C1QB: variants seen among roughly 807,000 people sequenced by gnomAD.
C1QB encodes the protein complement C1q subcomponent subunit B.
In C1QB, 2 loss-of-function variants were observed where a neutral mutation model predicts 4.6. The ratio of observed to expected loss-of-function variants is 0.43; its 90% CI spans 0.18 to 1.36. The LOEUF is 1.36. C1QB is among the 40% of genes most tolerant of loss of function. C1QB has a pLI of 0.28. For synonymous variants in C1QB, 132 were observed against 137.1 expected, an observed-to-expected ratio of 0.96 and a Z score of 0.26; for missense variants, 292 against 338.0, an observed-to-expected ratio of 0.86 and a Z score of 1.07.
rs1642591320 is a variant in C1QB at position 22,659,620 on chromosome 1, C to T, written c.158C>T (p.Thr53Ile). 6.2e-7 allele frequency: 1 copy of T among 1,613,472 alleles called. No individual in the cohort carries two copies. Among genetic ancestry groups the T allele is most frequent in the Non-Finnish European group, 8.5e-7 (1 of 1,179,680 alleles). The change falls in exon 2 of 3, where the codon ACC (threonine) becomes ATC (isoleucine). Residue 53 changes from threonine to isoleucine, a missense_variant. Thr to Ile is a moderately conservative substitution (Grantham distance 89). Coordinates refer to ENST00000509305, the MANE Select transcript of C1QB (RefSeq NM_001378156.1). ...GTPGPDGQPG[T>I]PGIKGEKGLP... Reference sequence around the variant, plus strand: ...CCTGGCCCCGATGGCCAACCTGGGACCCCAGGGATAAAAGGAGAGAAAGGT... The same window carrying T: ...CCTGGCCCCGATGGCCAACCTGGGATCCCAGGGATAAAAGGAGAGAAAGGT...
At chr1:22,659,724 T>C (rs1258888367) in intron 2 of C1QB, 81 bp downstream of exon 2, 8 of 1,496,996 alleles carry the variant, frequency 5.3e-6, no homozygotes, top group South Asian at 1.2e-5. Context: ...TTGCCTACCT[T>C]TGAGACTGCA....
chr1:22,655,116 G>A (rs1642511693), intron 1 of C1QB, among the ~76,000 whole-genome samples: 1 of 152,152 alleles, frequency 6.6e-6, no homozygotes, highest in African/African-American at 2.4e-5. Flanking sequence ...CAAATTACAG[G>A]GGATAATGGC....
At position 22,659,522 on chromosome 1, in the gene C1QB, C is replaced by T. The variant is rs77379868; in HGVS notation, c.60C>T (p.Ile20=). Residue 20 remains isoleucine, a synonymous_variant, in exon 2 of 3, where the codon ATC becomes ATT. Coordinates refer to ENST00000509305, the MANE Select transcript of C1QB (RefSeq NM_001378156.1). ...VLMLLLLLGL[I]DISQAQLSCT... Reference sequence around the variant, plus strand: ...TGTTGCTCCTGCTCCTGGGCCTAATCGATATCTCCCAGGCCCAGCTCAGCT... The same window carrying T: ...TGTTGCTCCTGCTCCTGGGCCTAATTGATATCTCCCAGGCCCAGCTCAGCT... 9.3e-5 allele frequency: 150 copies of T among 1,613,916 alleles called. No homozygotes were observed. Among genetic ancestry groups the T allele is most frequent in the South Asian group, 4.3e-4 (39 of 91,074 alleles).
chr1:22,654,135 A>C (rs911990549), intron 1 of C1QB: 2 of 152,320 alleles, frequency 1.3e-5, no homozygotes, highest in Non-Finnish European at 2.9e-5. Flanking sequence ...GCGGAAAGGG[A>C]CTGCTGGACC....
chr1:22,657,505 A>G lies in C1QB; in HGVS notation c.-23-1935A>G, dbSNP rs561362187. ...TCAGACACAAAAGGTCACACGTTGTATAATTCCATTTATATGAAATAATAG... is the reference window on the plus strand; with the variant it reads ...TCAGACACAAAAGGTCACACGTTGTGTAATTCCATTTATATGAAATAATAG... On this transcript the variant is annotated intron_variant, in intron 1 of 2. Transcript: ENST00000509305. Among the ~76,000 whole-genome samples, 9 of 152,354 alleles carry G rather than the reference A, an allele frequency of 5.9e-5. No individual in the cohort carries two copies. The South Asian group carries it at 1.5e-3, about 25-fold the overall frequency.
intron 1 of C1QB, among the ~76,000 whole-genome samples, chr1:22,655,439 A>G (rs1404027561): frequency 6.6e-6 from 1 of 152,128 alleles, no homozygotes; most frequent in Non-Finnish European, 1.5e-5. Flanking sequence ...GCTGGTTTGC[A>G]GAGCATAGGA....
intron 1 of C1QB, among the ~76,000 whole-genome samples, chr1:22,656,835 C>T (rs941068751): frequency 5.3e-5 from 8 of 152,170 alleles, no homozygotes; most frequent in Non-Finnish European, 5.9e-5. Flanking sequence ...AGTTGGGGTT[C>T]TCACAACCCC....
intron 2 of C1QB, among the ~76,000 whole-genome samples, chr1:22,660,268 C>A (rs1355017648): frequency 2.0e-5 from 3 of 152,176 alleles, no homozygotes; most frequent in African/African-American, 7.2e-5. Context: ...CTACTAATGG[C>A]AGATGTGACA....
rs56917855 is a variant in C1QB at position 22,659,292 on chromosome 1, A to AGATGGATGGATG, written c.-23-123_-23-112dup. The stretch of plus-strand genomic sequence containing the variant: ...GACGGATGCAGATGGAGGGATAGAG[A>AGATGGATGGATG]GATGGATGGATGGATGGATGGATGG... On this transcript the variant is annotated intron_variant, in intron 1 of 2. Coordinates refer to ENST00000509305, the MANE Select transcript of C1QB (RefSeq NM_001378156.1). 5,582 of 648,172 alleles carry AGATGGATGGATG rather than the reference A, an allele frequency of 8.6e-3. 105 individuals carry two copies. The highest frequency in any genetic ancestry group is 0.018 in the African/African-American group (812 of 46,254). The allele number at this position is 648,172 out of a possible 1,614,324, so 40.2% of individuals were successfully genotyped here. A position where few individuals can be genotyped will look rare whatever the true frequency, so the allele number is the denominator to read the frequency against.
chr1:22,658,683 G>A (rs1428285654), intron 1 of C1QB, among the ~76,000 whole-genome samples: 3 of 152,236 alleles, frequency 2.0e-5, no homozygotes, highest in African/African-American at 7.2e-5. Context: ...TGAACATATG[G>A]ATGGAGGAAT....
intron 1 of C1QB, 51 bp from the exon 2 acceptor site, chr1:22,659,389 T>C (rs749818803): frequency 4.4e-5 from 66 of 1,497,270 alleles, no homozygotes; most frequent in Non-Finnish European, 5.9e-5. Context: ...GATGGATGGA[T>C]GGATGATAGG....
At chr1:22,660,511 T>A (rs1244452921) in intron 2 of C1QB, among the ~76,000 whole-genome samples, 2 of 151,898 alleles carry the variant, frequency 1.3e-5, no homozygotes, top group African/African-American at 2.4e-5. Context: ...GCACTCATTA[T>A]CCCTGCTCTA....
At chr1:22,656,227 C>T (rs899353074) in intron 1 of C1QB, among the ~76,000 whole-genome samples, 6 of 152,162 alleles carry the variant, frequency 3.9e-5, no homozygotes, top group African/African-American at 1.4e-4. Context: ...GGAACTTAAA[C>T]ATGGAATTGC....
At chr1:22,658,933 A>ATG (rs1553153901) in intron 1 of C1QB, among the ~76,000 whole-genome samples, 5 of 100,800 alleles carry the variant, frequency 5.0e-5, no homozygotes, top group East Asian at 2.6e-4. Flanking sequence ...AGGGGTAGAG[A>ATG]GATGGATGGA....
intron 2 of C1QB, among the ~76,000 whole-genome samples, chr1:22,660,117 C>G (rs623164): frequency 0.35 from 52,736 of 152,110 alleles, 12,082 homozygotes; most frequent in African/African-American, 0.64. Context: ...TTTAACCTAC[C>G]GTTATAGAGC....
intron 1 of C1QB, among the ~76,000 whole-genome samples, chr1:22,657,092 T>C (rs1469209633): frequency 2.6e-5 from 4 of 152,094 alleles, no homozygotes; most frequent in Non-Finnish European, 5.9e-5. Context: ...CTTTATTATG[T>C]AGGCACGATT....
At chr1:22,660,713 CTG>C (rs1642606620) in intron 2 of C1QB, 97 bp from the exon 3 acceptor site, 1 of 1,223,424 alleles carries the variant, frequency 8.2e-7, no homozygotes, top group African/African-American at 1.5e-5. Context: ...AGATGGGAGA[CTG>C]AGGCTCAGAG....
chr1:22,661,586 C>T lies in C1QB; in HGVS notation c.*200C>T. On this transcript the variant is annotated 3_prime_UTR_variant, in exon 3 of 3. Transcript: ENST00000509305. ...CCCAGCACCTGGCACACCAGAAGTG[C>T]CATGCTCAGAAATGTTGGTTACATG... The T allele has an allele frequency of 6.3e-6, 4 of 630,560 alleles. No individual in the cohort carries two copies. The highest frequency in any genetic ancestry group is 5.6e-5 in the South Asian group (3 of 53,988). 39.1% of individuals were successfully genotyped at this position (630,560 alleles called of 1,614,324 possible).
At chr1:22,660,289 AT>A (rs1345917791) in intron 2 of C1QB, among the ~76,000 whole-genome samples, 2 of 152,166 alleles carry the variant, frequency 1.3e-5, no homozygotes, top group Non-Finnish European at 2.9e-5. Flanking sequence ...CGCAAAGCAC[AT>A]CTCTCTGTCC....
Sources: allele counts gnomAD v4.1 joint callset (sites outside exome capture counted in the v4.1 genomes callset), GRCh38; gene constraint gnomAD v4.1.1; transcripts MANE v1.5; gene names NCBI Gene and HGNC (gene_info 2026-07-23, HGNC 2026-07-21).